ADAM12: variants seen among roughly 807,000 people sequenced by gnomAD.
The protein encoded by ADAM12 is ADAM metallopeptidase domain 12.
Under a neutral mutation model 106.4 loss-of-function variants are expected in ADAM12, and 70 were observed. The ratio of observed to expected loss-of-function variants is 0.66; its 90% CI spans 0.54 to 0.80. The LOEUF (loss-of-function observed/expected upper bound fraction) is 0.80, where lower values mean the gene tolerates loss of function less well. Ranked by LOEUF, ADAM12 falls within the 30% of genes least tolerant of loss-of-function variation. The pLI, the probability that ADAM12 is intolerant of heterozygous loss-of-function variation, is 0.00. For missense variants in ADAM12, 1,010 were observed against 1,171.9 expected, an observed-to-expected ratio of 0.86 and a Z score of 2.02; for synonymous variants, 420 against 433.5, an observed-to-expected ratio of 0.97 and a Z score of 0.39.
rs926021963 is a variant in ADAM12, at chr10:126,046,013, T to C, written c.1995+42A>G. On this transcript the variant is annotated intron_variant, in intron 17 of 22. Transcript: ENST00000448723. ...ACAAATGAATGTATTATTACTTAAC[T>C]TGTTATGGGCTGGCTGTAAAAGGGC... The C allele has an allele frequency of 2.6e-6, 4 of 1,558,158 alleles. No individual in the cohort carries two copies. The African/African-American group carries it at 4.1e-5, about 16-fold the overall frequency.
intron 8 of ADAM12, among the ~76,000 whole-genome samples, chr10:126,106,966 C>T (rs1367520923): frequency 3.9e-5 from 6 of 152,166 alleles, no homozygotes; most frequent in African/African-American, 1.2e-4. Flanking sequence ...GTAGAACAGC[C>T]GGGGCCTTGA....
intron 2 of ADAM12, among the ~76,000 whole-genome samples, chr10:126,288,810 G>A (rs1351411980): frequency 1.3e-5 from 2 of 151,576 alleles, no homozygotes; most frequent in African/African-American, 2.4e-5. Context: ...TGACCACATG[G>A]TGACACGGTG....
intron 3 of ADAM12, among the ~76,000 whole-genome samples, chr10:126,278,064 GA>G (rs562789414): frequency 6.6e-6 from 1 of 152,090 alleles, no homozygotes; most frequent in East Asian, 1.9e-4. Flanking sequence ...TCTTGTTTCA[GA>G]AAAAATCACC....
At chr10:126,250,603 A>G (rs1958727492) in intron 3 of ADAM12, among the ~76,000 whole-genome samples, 1 of 152,206 alleles carries the variant, frequency 6.6e-6, no homozygotes, top group Non-Finnish European at 1.5e-5. Flanking sequence ...AGGAACCGCA[A>G]TGGGGACAAA....
chr10:126,035,067 A>G (rs539619385), intron 21 of ADAM12, among the ~76,000 whole-genome samples: 18 of 152,324 alleles, frequency 1.2e-4, no homozygotes, highest in Non-Finnish European at 2.2e-4. Flanking sequence ...TCCTCTTGGT[A>G]ACTGACAGAA....
intron 2 of ADAM12, among the ~76,000 whole-genome samples, chr10:126,319,962 G>A (rs1368281581): frequency 1.3e-5 from 2 of 152,190 alleles, no homozygotes; most frequent in Non-Finnish European, 2.9e-5. Context: ...AGTCTTGGGA[G>A]ACACGTGTTT....
intron 14 of ADAM12, among the ~76,000 whole-genome samples, chr10:126,058,251 G>T (rs1954676127): frequency 6.6e-6 from 1 of 152,242 alleles, no homozygotes; most frequent in East Asian, 1.9e-4. Flanking sequence ...GCTGCCTCGG[G>T]CCAGCGCATA....
At chr10:126,350,797 G>A (rs76502128) in intron 1 of ADAM12, among the ~76,000 whole-genome samples, 1 of 152,130 alleles carries the variant, frequency 6.6e-6, no homozygotes, top group Non-Finnish European at 1.5e-5. Flanking sequence ...CTTGGAGGCC[G>A]GGCACCTGGC....
At chr10:126,293,782 T>C (rs1194403201) in intron 2 of ADAM12, among the ~76,000 whole-genome samples, 1 of 152,058 alleles carries the variant, frequency 6.6e-6, no homozygotes, top group African/African-American at 2.4e-5. Context: ...CGGCCTCCCA[T>C]TTCTTCTTTT....
Position 126,351,747 on chromosome 10 carries a change from A to T in ADAM12, c.89-21238T>A, listed in dbSNP as rs192041612. On this transcript the variant is annotated intron_variant, in intron 1 of 22. Transcript: ENST00000448723. ...AATCTCAAACCTCCTCATCAAGACAATGCCTTCAACTGTGCATTGCTCTCC... is the reference window on the plus strand; with the variant it reads ...AATCTCAAACCTCCTCATCAAGACATTGCCTTCAACTGTGCATTGCTCTCC... Among the ~76,000 whole-genome samples, 38 of 152,206 alleles carry T rather than the reference A, an allele frequency of 2.5e-4. 1 individual carries two copies. The highest frequency in any genetic ancestry group is 8.4e-4 in the African/African-American group (35 of 41,520).
At chr10:126,073,181 C>T (rs1955032397) in intron 11 of ADAM12, among the ~76,000 whole-genome samples, 3 of 152,294 alleles carry the variant, frequency 2.0e-5, no homozygotes, top group East Asian at 1.9e-4. Context: ...CTCCGCCTCC[C>T]GGATTCAAGT....
intron 2 of ADAM12, among the ~76,000 whole-genome samples, chr10:126,280,226 G>GA (rs1004214356): frequency 9.9e-5 from 15 of 150,866 alleles, no homozygotes; most frequent in Middle Eastern, 3.4e-3. Context: ...TGAGTTTTGG[G>GA]AAAAAAAAAT....
chr10:126,248,161 C>T lies in ADAM12; in HGVS notation c.260+30754G>A, dbSNP rs142194134. ...GCAGATTGAGTGTGGCAGTCATACC[C>T]CCTATGCATCACTGGGTAGTGGGAA... On this transcript the variant is annotated intron_variant, in intron 3 of 22. Transcript: ENST00000448723. 1.5e-3 allele frequency among the ~76,000 whole-genome samples: 234 copies of T among 152,258 alleles called. 1 individual carries two copies. Among genetic ancestry groups the T allele is most frequent in the Middle Eastern group, 6.8e-3 (2 of 294 alleles).
chr10:126,341,651 T>A (rs570433239), intron 1 of ADAM12, among the ~76,000 whole-genome samples: 1 of 152,274 alleles, frequency 6.6e-6, no homozygotes, highest in Admixed American at 6.5e-5. Flanking sequence ...AGAAGCCAAA[T>A]TAAGAGGAGA....
rs185763423 is a variant in ADAM12 at position 126,104,017 on chromosome 10, G to A, written c.742-2776C>T. On this transcript the variant is annotated intron_variant, in intron 8 of 22. Coordinates refer to ENST00000448723, the MANE Select transcript of ADAM12 (RefSeq NM_001288973.2). Reference sequence around the variant, plus strand: ...TGGTGCACATAGGAAGTCCAGGGACGCTGCACTGGAGACTTTTGGGAAGAA... The same window carrying A: ...TGGTGCACATAGGAAGTCCAGGGACACTGCACTGGAGACTTTTGGGAAGAA... 5.9e-5 allele frequency among the ~76,000 whole-genome samples: 9 copies of A among 152,340 alleles called. No homozygotes were observed. In the East Asian group the frequency reaches 1.4e-3, roughly 23 times the overall value.
intron 3 of ADAM12, among the ~76,000 whole-genome samples, chr10:126,210,695 A>G (rs1957884754): frequency 6.6e-6 from 1 of 152,194 alleles, no homozygotes; most frequent in Admixed American, 6.5e-5. Context: ...AGATTCAGCC[A>G]TATGCCTAGG....
chr10:126,379,609 G>A (rs1856420717), intron 1 of ADAM12, among the ~76,000 whole-genome samples: 1 of 151,940 alleles, frequency 6.6e-6, no homozygotes. Flanking sequence ...CGGGTTGATG[G>A]GTGCAGCAAA....
chr10:126,040,131 G>A (rs1289531258), intron 18 of ADAM12, among the ~76,000 whole-genome samples: 1 of 152,174 alleles, frequency 6.6e-6, no homozygotes, highest in African/African-American at 2.4e-5. Flanking sequence ...CTCCTCAAGG[G>A]TAGGGAAAGG....
chr10:126,388,237 C>A lies in ADAM12; in HGVS notation c.-92G>T. On this transcript the variant is annotated 5_prime_UTR_variant, in exon 1 of 23. Coordinates refer to ENST00000448723, the MANE Select transcript of ADAM12 (RefSeq NM_001288973.2). This position sits in a 1 kb window ranked among gnomAD's most constrained non-coding sequence, Gnocchi z 4.4. ...GCCGAGCCGGGGCCGGGCGTCGCGA[C>A]CGGAGGGATTTCCTGCCTCGGCGAG... 1 of 1,186,904 alleles carries A rather than the reference C, an allele frequency of 8.4e-7. No homozygotes were observed. Among genetic ancestry groups the A allele is most frequent in the Non-Finnish European group, 1.0e-6 (1 of 958,854 alleles). The allele number at this position is 1,186,904 out of a possible 1,614,324, so 73.5% of individuals were successfully genotyped here. A position where few individuals can be genotyped will look rare whatever the true frequency, so the allele number is the denominator to read the frequency against.
Sources: gnomAD v4.1 joint callset for allele counts (sites outside exome capture counted in the v4.1 genomes callset) on GRCh38, gnomAD v4.1.1 for gene constraint, Gnocchi (gnomAD v3.1) non-coding constraint, MANE v1.5 for transcripts, NCBI Gene and HGNC (gene_info 2026-07-23, HGNC 2026-07-21) for gene names.